PSD2: variants seen among roughly 807,000 people sequenced by gnomAD.
PSD2 encodes the protein pleckstrin and Sec7 domain containing 2.
PSD2 carries 38 observed loss-of-function variants against 69.8 expected under a neutral mutation model. The observed-to-expected ratio is 0.54, with a 90% CI of 0.42 to 0.71. PSD2 has a LOEUF of 0.71. PSD2 is among the 30% of genes least tolerant of loss of function. The pLI, the probability that PSD2 is intolerant of heterozygous loss-of-function variation, is 0.00. For missense variants in PSD2, 943 were observed against 1,014.5 expected (o/e 0.93, Z 0.96); for synonymous variants, 412 against 423.0 (o/e 0.97, Z 0.32).
chr5:139,751,886 T>C, the PSD2 span, among the ~76,000 whole-genome samples: 1 of 150,618 alleles, frequency 6.6e-6, no homozygotes, highest in African/African-American at 2.4e-5. Flanking sequence ...CTCAACCTTC[T>C]AGACTCAGCA....
At chr5:139,811,020 C>T (rs969250540) in intron 2 of PSD2, among the ~76,000 whole-genome samples, 1 of 152,294 alleles carries the variant, frequency 6.6e-6, no homozygotes, top group Non-Finnish European at 1.5e-5. Flanking sequence ...ACAAGCAGGG[C>T]TCTGTCTTGT....
At chr5:139,799,923 T>C (rs988873396) in intron 1 of PSD2, among the ~76,000 whole-genome samples, 6 of 152,138 alleles carry the variant, frequency 3.9e-5, no homozygotes, top group African/African-American at 1.2e-4. Flanking sequence ...GTATGAGGTC[T>C]GAGGTGTTTT....
At chr5:139,785,052 C>T in the PSD2 span, among the ~76,000 whole-genome samples, 1 of 152,096 alleles carries the variant, frequency 6.6e-6, no homozygotes, top group African/African-American at 2.4e-5. Context: ...AGCCACCTCG[C>T]CCAGCCTACC....
At chr5:139,816,389 C>G (rs987548378) in intron 4 of PSD2, among the ~76,000 whole-genome samples, 3 of 152,196 alleles carry the variant, frequency 2.0e-5, no homozygotes, top group Non-Finnish European at 2.9e-5. Context: ...TTGCACTTGG[C>G]CGATTGGTCT....
intron 9 of PSD2, 137 bp downstream of exon 9, chr5:139,835,903 C>A: frequency 2.5e-6 from 2 of 794,160 alleles, no homozygotes; most frequent in African/African-American, 1.7e-5. Flanking sequence ...CTGTGTCTAG[C>A]TGGCGCACAC....
In PSD2 at chr5:139,843,421, G is replaced by T. The variant is rs1340820146; in HGVS notation, c.*947G>T. 1.3e-5 allele frequency: 2 copies of T among 152,254 alleles called. No homozygotes were observed. Among genetic ancestry groups the T allele is most frequent in the Non-Finnish European group, 2.9e-5 (2 of 68,058 alleles). 9.4% of individuals were successfully genotyped at this position (152,254 alleles called of 1,614,324 possible). On this transcript the variant is annotated 3_prime_UTR_variant, in exon 15 of 15. Transcript: ENST00000274710. The stretch of plus-strand genomic sequence containing the variant: ...CCCGTTTGTCCCATGGATATCCTGG[G>T]GTGTGAGTCGGATGGGACCACGGCC...
intron 1 of PSD2, among the ~76,000 whole-genome samples, chr5:139,800,213 C>A (rs1759638186): frequency 6.6e-6 from 1 of 152,244 alleles, no homozygotes; most frequent in Non-Finnish European, 1.5e-5. Flanking sequence ...CTTGGCAAAA[C>A]CCCAACCCTG....
intron 14 of PSD2, among the ~76,000 whole-genome samples, chr5:139,840,840 C>T (rs1760854907): frequency 6.6e-6 from 1 of 152,140 alleles, no homozygotes; most frequent in Non-Finnish European, 1.5e-5. Flanking sequence ...GTGTGAGCCA[C>T]CACGCCCGGC....
chr5:139,822,807 G>A lies in PSD2; in HGVS notation c.1269+23G>A, dbSNP rs78904031. 2.7e-5 allele frequency: 43 copies of A among 1,596,798 alleles called. No individual in the cohort carries two copies. In the East Asian group the frequency reaches 8.9e-4, roughly 33 times the overall value. ...CACGTGAGTTGGGGAGGTGACGGGG[G>A]GTGTCGCATGTCCTCTCAGGGACCC... On this transcript the variant is annotated intron_variant, in intron 7 of 14. Transcript: ENST00000274710.
At chr5:139,796,804 G>C (rs760322623) in intron 1 of PSD2, among the ~76,000 whole-genome samples, 4 of 152,320 alleles carry the variant, frequency 2.6e-5, no homozygotes, top group Admixed American at 1.3e-4. Context: ...GGCCATCTTG[G>C]GGGGGCCAGG....
At chr5:139,821,066 T>C (rs1378161319) in intron 5 of PSD2, among the ~76,000 whole-genome samples, 1 of 152,038 alleles carries the variant, frequency 6.6e-6, no homozygotes, top group Non-Finnish European at 1.5e-5. Context: ...CTGAGTAGCT[T>C]GGATTACAGG....
At chr5:139,835,991 T>A (rs1239500754) in intron 9 of PSD2, among the ~76,000 whole-genome samples, 1 of 152,254 alleles carries the variant, frequency 6.6e-6, no homozygotes, top group Non-Finnish European at 1.5e-5. Flanking sequence ...ACAGAATAGA[T>A]TGAACTGTGA....
intron 5 of PSD2, among the ~76,000 whole-genome samples, chr5:139,817,845 G>A (rs1401259287): frequency 6.6e-6 from 1 of 152,174 alleles, no homozygotes; most frequent in Admixed American, 6.5e-5. Context: ...CCTGCCAGAT[G>A]CTCTAGGTCT....
chr5:139,804,578 A>G (rs1316901767), intron 1 of PSD2, among the ~76,000 whole-genome samples: 1 of 152,064 alleles, frequency 6.6e-6, no homozygotes, highest in South Asian at 2.1e-4. Context: ...TTTTGTGCCC[A>G]ACTTCCCCTA....
At chr5:139,756,740 T>A in the PSD2 span, among the ~76,000 whole-genome samples, 4 of 152,056 alleles carry the variant, frequency 2.6e-5, no homozygotes, top group Non-Finnish European at 5.9e-5. Flanking sequence ...GCGGGCAAAA[T>A]CAAAGTTGGC....
chr5:139,768,366 C>T, the PSD2 span, among the ~76,000 whole-genome samples: 1 of 152,110 alleles, frequency 6.6e-6, no homozygotes, highest in East Asian at 1.9e-4. Flanking sequence ...GAGAGGAGGG[C>T]ATAAAAAGAG....
chr5:139,809,898 T>C, intron 2 of PSD2, 87 bp downstream of exon 2: 2 of 1,407,412 alleles, frequency 1.4e-6, no homozygotes, highest in Middle Eastern at 2.2e-4. Flanking sequence ...GTTTCTCCGG[T>C]TCTTGTTTTT....
the PSD2 span, among the ~76,000 whole-genome samples, chr5:139,766,930 CTTCTTTCTTTCTTTCT>C: frequency 1.4e-3 from 63 of 44,114 alleles, no homozygotes; most frequent in Middle Eastern, 0.023. Flanking sequence ...CCTTCCTTCC[CTTCTTTCTTTCTTTCT>C]TTCTTTCTTT....
At chr5:139,830,144 G>A (rs1760536539) in intron 7 of PSD2, among the ~76,000 whole-genome samples, 1 of 151,408 alleles carries the variant, frequency 6.6e-6, no homozygotes, top group Admixed American at 6.6e-5. Context: ...TTTTTTTCAT[G>A]TACTTTTTGG....
Sources: gnomAD v4.1 joint callset for allele counts (sites outside exome capture counted in the v4.1 genomes callset) on GRCh38, gnomAD v4.1.1 for gene constraint, MANE v1.5 for transcripts, NCBI Gene and HGNC (gene_info 2026-07-23, HGNC 2026-07-21) for gene names.